Variants in PDE11A observed in about 807,000 individuals in gnomAD.
PDE11A encodes phosphodiesterase 11A, also known as dual 3',5'-cyclic-AMP and -GMP phosphodiesterase 11A.
In PDE11A, 100 loss-of-function variants were observed where a neutral mutation model predicts 100.5. The ratio of observed to expected loss-of-function variants is 1.00; its 90% CI spans 0.85 to 1.18. The LOEUF (loss-of-function observed/expected upper bound fraction) is 1.18. Ranked by LOEUF, PDE11A falls within the 50% of genes most tolerant of loss-of-function variation. The pLI is 0.00. For missense variants in PDE11A, 1,141 were observed against 1,152.6 expected, an observed-to-expected ratio of 0.99 and a Z score of 0.15; for synonymous variants, 381 against 420.8, an observed-to-expected ratio of 0.91 and a Z score of 1.16.
intron 12 of PDE11A, among the ~76,000 whole-genome samples, chr2:177,722,074 C>T (rs1416342396): frequency 6.6e-6 from 1 of 152,064 alleles, no homozygotes; most frequent in African/African-American, 2.4e-5. Flanking sequence ...CGTCATAAAA[C>T]ACAAAGCGAC....
intron 2 of PDE11A, among the ~76,000 whole-genome samples, chr2:178,009,917 T>C (rs1321808177): frequency 6.6e-6 from 1 of 152,224 alleles, no homozygotes; most frequent in Non-Finnish European, 1.5e-5. Flanking sequence ...ATACAAATCA[T>C]ATTATGCTAA....
chr2:177,870,936 AC>A (rs1204237677), intron 5 of PDE11A, among the ~76,000 whole-genome samples: 1 of 152,076 alleles, frequency 6.6e-6, no homozygotes, highest in African/African-American at 2.4e-5. Context: ...TGGAAATAGA[AC>A]CTCTTTTAGT....
At position 177,820,237 on chromosome 2, in the gene PDE11A, C is replaced by T. The variant is rs149543095; in HGVS notation, c.1559G>A (p.Ser520Asn). Reference protein sequence around the residue: ...RSVLCVPIWNSNHQIIGVAQV... With the variant: ...RSVLCVPIWNNNHQIIGVAQV... ...TCTCTTACCAATTATTTGGTGGTTG[C>T]TATTCCAAATAGGGACACAAAGAAC... The change falls in exon 7 of 20, where the codon AGC becomes AAC. Residue 520 changes from serine to asparagine, a missense_variant. Ser to Asn is a conservative substitution (Grantham distance 46, BLOSUM62 1). Coordinates refer to ENST00000286063, the MANE Select transcript of PDE11A (RefSeq NM_016953.4). 7.7e-6 allele frequency: 12 copies of T among 1,559,504 alleles called. No individual in the cohort carries two copies. The highest frequency in any genetic ancestry group is 2.7e-5 in the African/African-American group (2 of 73,836).
chr2:177,851,739 CT>C (rs3066392), intron 5 of PDE11A, among the ~76,000 whole-genome samples: 9 of 151,136 alleles, frequency 6.0e-5, no homozygotes, highest in East Asian at 3.9e-4. Context: ...TTTAAAATGT[CT>C]TTTTTTTTAA....
chr2:177,778,341 G>A (rs2082406797), intron 9 of PDE11A, among the ~76,000 whole-genome samples: 1 of 152,168 alleles, frequency 6.6e-6, no homozygotes, highest in African/African-American at 2.4e-5. Context: ...GTGGATTTGG[G>A]CAGCCATTTG....
chr2:177,852,404 T>C (rs970852521), intron 5 of PDE11A, among the ~76,000 whole-genome samples: 22 of 152,076 alleles, frequency 1.4e-4, no homozygotes, highest in African/African-American at 5.3e-4. Flanking sequence ...TTTTGATCTA[T>C]ATGATAGTAT....
chr2:177,883,475 A>G (rs1382769429), intron 4 of PDE11A, among the ~76,000 whole-genome samples: 2 of 152,122 alleles, frequency 1.3e-5, no homozygotes, highest in Non-Finnish European at 2.9e-5. Context: ...ACAACACAGT[A>G]CAGAGAAGCA....
intron 6 of PDE11A, 62 bp from the exon 7 acceptor site, chr2:177,820,357 T>A: frequency 1.1e-6 from 1 of 945,702 alleles, no homozygotes; most frequent in Non-Finnish European, 1.7e-6. Context: ...TGATTTACAT[T>A]TTTTCCATTT....
intron 12 of PDE11A, among the ~76,000 whole-genome samples, chr2:177,722,482 C>T (rs2081545093): frequency 6.6e-6 from 1 of 152,120 alleles, no homozygotes; most frequent in African/African-American, 2.4e-5. Context: ...TTATGTGCAG[C>T]TTTGCCTTTT....
chr2:178,064,289 A>G (rs1338201473), intron 1 of PDE11A, among the ~76,000 whole-genome samples: 1 of 152,172 alleles, frequency 6.6e-6, no homozygotes, highest in African/African-American at 2.4e-5. Context: ...TTGTACAGAG[A>G]ACAGGTTGCA....
chr2:177,857,698 T>A (rs933139739), intron 5 of PDE11A, among the ~76,000 whole-genome samples: 3 of 151,978 alleles, frequency 2.0e-5, no homozygotes, highest in Admixed American at 6.6e-5. Context: ...ACTAGTTACA[T>A]TAAATGTAAG....
At chr2:178,009,833 A>T (rs551622282) in intron 2 of PDE11A, among the ~76,000 whole-genome samples, 1 of 152,326 alleles carries the variant, frequency 6.6e-6, no homozygotes, top group South Asian at 2.1e-4. Context: ...TGATTTCCAT[A>T]TTACAAAATG....
chr2:178,108,333 G>C (rs974570770), exon 1 of PDE11A: 2 of 152,262 alleles, frequency 1.3e-5, no homozygotes, highest in African/African-American at 4.8e-5. Flanking sequence ...GCCCTGGGCT[G>C]CAAGCGCAGC....
chr2:178,015,542 G>A (rs74971629), intron 1 of PDE11A, among the ~76,000 whole-genome samples: 2,256 of 152,142 alleles, frequency 0.015, 44 homozygotes, highest in East Asian at 0.091. Flanking sequence ...TAGAAATTCC[G>A]AAAATTCCAC....
At chr2:177,761,698 T>G (rs1465503351) in intron 10 of PDE11A, among the ~76,000 whole-genome samples, 1 of 152,176 alleles carries the variant, frequency 6.6e-6, no homozygotes, top group Non-Finnish European at 1.5e-5. Context: ...GGTAGATTGT[T>G]AGCGATTTAT....
chr2:177,998,675 C>A, intron 2 of PDE11A: 2 of 1,196,654 alleles, frequency 1.7e-6, no homozygotes, highest in Non-Finnish European at 2.5e-6. Flanking sequence ...TCACACCATC[C>A]AGTATCACTT....
At chr2:177,679,779 A>G (rs1437369171) in intron 16 of PDE11A, among the ~76,000 whole-genome samples, 1 of 152,068 alleles carries the variant, frequency 6.6e-6, no homozygotes, top group Non-Finnish European at 1.5e-5. Flanking sequence ...TTAATAAAAC[A>G]GATTTTGAAA....
At chr2:177,840,172 T>G (rs941207779) in intron 6 of PDE11A, 79 bp downstream of exon 6, 29 of 1,388,516 alleles carry the variant, frequency 2.1e-5, no homozygotes, top group Non-Finnish European at 2.9e-5. Context: ...TGCTGGTAAG[T>G]ATTCCTTTTT....
rs202244667 is a variant in PDE11A, at chr2:177,898,044, A to G, written c.1302+14T>C. 98 of 1,597,840 alleles carry G rather than the reference A, an allele frequency of 6.1e-5. No homozygotes were observed. The African/African-American group carries it at 9.4e-4, about 15-fold the overall frequency. ...CACACAGTCTTCAACTTTAAAAGAT[A>G]AAAGATAACTTACTGGTGATTCGAT... On this transcript the variant is annotated intron_variant, in intron 4 of 19. Transcript: ENST00000286063.
Sources: gnomAD v4.1 joint callset for allele counts (sites outside exome capture counted in the v4.1 genomes callset) on GRCh38, gnomAD v4.1.1 for gene constraint, MANE v1.5 for transcripts, NCBI Gene and HGNC (gene_info 2026-07-23, HGNC 2026-07-21) for gene names.